The following NBPF6 variants were observed in gnomAD, a reference collection of about 807,000 sequenced individuals.
NBPF6 encodes the protein NBPF member 6, also known as NBPF family member NBPF6.
A neutral mutation model predicts 20.8 loss-of-function variants in NBPF6; 2 were observed. The ratio of observed to expected loss-of-function variants is 0.10; its 90% CI spans 0.04 to 0.30. The LOEUF (loss-of-function observed/expected upper bound fraction) is 0.30, where lower values mean the gene tolerates loss of function less well. Among genes scored for constraint, NBPF6 ranks in the 10% least tolerant of loss-of-function variants. The pLI, the probability that NBPF6 is intolerant of heterozygous loss-of-function variation, is 1.00. For missense variants in NBPF6, 85 were observed against 260.3 expected (o/e 0.33, Z 4.63); for synonymous variants, 24 against 100.0 (o/e 0.24, Z 4.53).
At chr1:108,452,128 G>C (rs1652870709) in intron 2 of NBPF6, 62 bp from the exon 3 acceptor site, 2 of 209,084 alleles carry the variant, frequency 9.6e-6, no homozygotes, top group Admixed American at 1.8e-4. Context: ...CTGCCCTATA[G>C]ACACTGACCC....
chr1:108,447,787 C>T (rs577223559), upstream of NBPF6, among the ~76,000 whole-genome samples: 1,944 of 141,304 alleles, frequency 0.014, 108 homozygotes, highest in African/African-American at 0.048. Flanking sequence ...TGCAGGATCA[C>T]GGCCAGGTCA....
chr1:108,449,416 CTATATATATATATATATATATATA>C (rs1165819915), upstream of NBPF6, among the ~76,000 whole-genome samples: 9 of 8,846 alleles, frequency 1.0e-3, no homozygotes, highest in African/African-American at 1.2e-3. Context: ...GTTAGAACAA[CTATATATATATATATATATATATA>C]TATATATATA....
intron 9 of NBPF6, among the ~76,000 whole-genome samples, chr1:108,459,483 T>C (rs538947552): frequency 1.3e-5 from 2 of 150,702 alleles, no homozygotes; most frequent in African/African-American, 4.8e-5. Context: ...ATTATTGTTA[T>C]ACCATGCACA....
the NBPF6 span, among the ~76,000 whole-genome samples, chr1:108,437,800 GGAGGGGAGGAGAGGGAGGGC>G: frequency 9.2e-5 from 3 of 32,576 alleles, no homozygotes; most frequent in Admixed American, 1.0e-3. Context: ...GGGAGGGAGG[GGAGGGGAGGAGAGGGAGGGC>G]AGGGGAGGGG....
Position 108,467,677 on chromosome 1 carries a change from T to C in NBPF6, c.1875+12T>C, listed in dbSNP as rs1653216294. ...CTGAGAGTGCAGAGGTAATCACATC[T>C]ATGGCTGATAGCTGCACTCACTTCT... On this transcript the variant is annotated intron_variant, in intron 14 of 14. Coordinates refer to ENST00000495380, the MANE Select transcript of NBPF6 (RefSeq NM_001143988.2). 1 of 1,549,252 alleles carries C rather than the reference T, an allele frequency of 6.5e-7. No individual in the cohort carries two copies. The highest frequency in any genetic ancestry group is 1.4e-5 in the African/African-American group (1 of 72,788).
At chr1:108,470,481 C>T in intron 14 of NBPF6, 116 bp from the exon 15 acceptor site, 2 of 960,690 alleles carry the variant, frequency 2.1e-6, no homozygotes, top group South Asian at 1.7e-5. Context: ...TCCAGCTCAT[C>T]CTCCCAGCAG....
At chr1:108,436,469 G>A in the NBPF6 span, among the ~76,000 whole-genome samples, 5,062 of 91,042 alleles carry the variant, frequency 0.056, 795 homozygotes, top group African/African-American at 0.13. Flanking sequence ...AAACTTAGCC[G>A]GGCATGGTGA....
Position 108,470,671 on chromosome 1 carries a change from A to G in NBPF6, c.*33A>G, listed in dbSNP as rs1420296864. On this transcript the variant is annotated 3_prime_UTR_variant, in exon 15 of 15. Transcript: ENST00000495380. ...TCACAAAAAGCAGCTTTTCCACTTG[A>G]TAAAAACAACTAAAACAGCAAAGCA... 6.5e-7 allele frequency: 1 copy of G among 1,543,212 alleles called. No homozygotes were observed. The highest frequency in any genetic ancestry group is 8.8e-7 in the Non-Finnish European group (1 of 1,141,666).
intron 9 of NBPF6, among the ~76,000 whole-genome samples, chr1:108,459,558 T>C (rs1196666423): frequency 5.0e-4 from 71 of 140,616 alleles, no homozygotes; most frequent in African/African-American, 1.7e-3. Flanking sequence ...TCAAAACCTA[T>C]GTTTACTTGG....
upstream of NBPF6, among the ~76,000 whole-genome samples, chr1:108,448,047 T>C (rs1343180230): frequency 2.1e-5 from 3 of 145,828 alleles, no homozygotes; most frequent in South Asian, 2.1e-4. Flanking sequence ...CTCCATAAAA[T>C]ATATATTGTA....
upstream of NBPF6, among the ~76,000 whole-genome samples, chr1:108,449,432 A>G (rs180777752): frequency 1.5e-3 from 9 of 6,026 alleles, no homozygotes; most frequent in African/African-American, 3.0e-3. Flanking sequence ...ATATATATAT[A>G]TATATATATA....
the NBPF6 span, among the ~76,000 whole-genome samples, chr1:108,438,034 C>A: frequency 1.6e-5 from 1 of 60,876 alleles, no homozygotes; most frequent in Non-Finnish European, 3.5e-5. Flanking sequence ...GCAACTCAAC[C>A]AAAGAATAGA....
chr1:108,471,476 G>A lies in NBPF6; in HGVS notation c.*838G>A, dbSNP rs748171341. 2.0e-5 allele frequency among the ~76,000 whole-genome samples: 3 copies of A among 152,156 alleles called. No homozygotes were observed. The highest frequency in any genetic ancestry group is 2.9e-5 in the Non-Finnish European group (2 of 68,014). ...GTTCACTTGGTCAAGGAGGGGTCTA[G>A]GAGCTCTGTCCCTTGTAAAGACACC... On this transcript the variant is annotated 3_prime_UTR_variant, in exon 15 of 15. Coordinates refer to ENST00000495380, the MANE Select transcript of NBPF6 (RefSeq NM_001143988.2).
rs1219284276 is a variant in NBPF6 at position 108,471,720 on chromosome 1, A to T, written c.*1082A>T. Among the ~76,000 whole-genome samples, 3 of 152,176 alleles carry T rather than the reference A, an allele frequency of 2.0e-5. No individual in the cohort carries two copies. Among genetic ancestry groups the T allele is most frequent in the Non-Finnish European group, 4.4e-5 (3 of 68,036 alleles). ...AGGAACATTCCCTGCCCAAAGTTTG[A>T]CTTTCATCCAAAATTAATTTTAGTC... On this transcript the variant is annotated 3_prime_UTR_variant, in exon 15 of 15. Transcript: ENST00000495380.
chr1:108,451,317 A>G (rs75872863), intron 2 of NBPF6, among the ~76,000 whole-genome samples: 1 of 42,560 alleles, frequency 2.3e-5, no homozygotes, highest in African/African-American at 4.5e-5. Context: ...TTCAAAGCAC[A>G]GAGTGTCCCA....
chr1:108,436,926 T>C, the NBPF6 span, among the ~76,000 whole-genome samples: 1 of 26,838 alleles, frequency 3.7e-5, no homozygotes, highest in Admixed American at 4.7e-4. Flanking sequence ...ACAGTTAGGT[T>C]GAAGTAGTAA....
chr1:108,436,695 G>A, the NBPF6 span, among the ~76,000 whole-genome samples: 1 of 83,626 alleles, frequency 1.2e-5, no homozygotes, highest in Non-Finnish European at 2.8e-5. Flanking sequence ...TGGATAAAAA[G>A]ATATTTGACA....
At chr1:108,451,638 TA>T in intron 2 of NBPF6, among the ~76,000 whole-genome samples, 1 of 107,176 alleles carries the variant, frequency 9.3e-6, no homozygotes, top group Admixed American at 9.4e-5. Context: ...CTACTATTTC[TA>T]ACTTAATTCA....
Position 108,465,712 on chromosome 1 carries a change from G to A in NBPF6, c.1660+288G>A, listed in dbSNP as rs1198232626. Among the ~76,000 whole-genome samples the A allele has an allele frequency of 2.8e-5, 3 of 106,854 alleles. 1 individual carries two copies. Among genetic ancestry groups the A allele is most frequent in the Non-Finnish European group, 6.0e-5 (3 of 49,914 alleles). The allele number at this position is 106,854 out of a possible 152,430, so 70.1% of individuals were successfully genotyped here. On this transcript the variant is annotated intron_variant, in intron 13 of 14. Transcript: ENST00000495380. ...GATACCTGAAGAATAACATCTACCT[G>A]CAATCATAATTTCCAAAGGGCCTGA...
Sources: allele counts gnomAD v4.1 joint callset (sites outside exome capture counted in the v4.1 genomes callset), GRCh38; gene constraint gnomAD v4.1.1; transcripts MANE v1.5; gene names NCBI Gene and HGNC (gene_info 2026-07-23, HGNC 2026-07-21).